The following USP47 variants were observed in gnomAD, a reference collection of about 807,000 sequenced individuals.
USP47 encodes ubiquitin specific peptidase 47.
USP47 carries 35 observed loss-of-function variants against 165.1 expected under a neutral mutation model. The observed-to-expected ratio is 0.21, with a 90% CI of 0.16 to 0.28. USP47 has a LOEUF of 0.28. USP47 is among the 10% of genes least tolerant of loss of function. USP47 has a pLI of 1.00. For missense variants in USP47, 1,277 were observed against 1,607.4 expected (o/e 0.79, Z 3.52); for synonymous variants, 531 against 544.5 (o/e 0.98, Z 0.35).
intron 1 of USP47, among the ~76,000 whole-genome samples, chr11:11,873,179 A>T (rs1010320845): frequency 6.6e-6 from 1 of 152,158 alleles, no homozygotes; most frequent in African/African-American, 2.4e-5. Flanking sequence ...TCAAGAGAAT[A>T]TGTTGATTTC....
In USP47 at chr11:11,930,129, T is replaced by C. The variant is rs2134679577; in HGVS notation, c.1595+9T>C. The C allele has an allele frequency of 6.2e-7, 1 of 1,605,468 alleles. No individual in the cohort carries two copies. The highest frequency in any genetic ancestry group is 1.1e-5 in the South Asian group (1 of 90,796). ...TCTAGTGCTTTCGCAAGGTAAGCAA[T>C]TTCCTAATTTTCAGTGTTTAAAAGT... On this transcript the variant is annotated intron_variant, in intron 13 of 27. Coordinates refer to ENST00000527733, the MANE Select transcript of USP47 (RefSeq NM_001282659.2).
At chr11:11,939,806 C>G (rs1269827327) in intron 18 of USP47, among the ~76,000 whole-genome samples, 1 of 151,846 alleles carries the variant, frequency 6.6e-6, no homozygotes. Context: ...TTTAACCAGC[C>G]TGCTTAAGAA....
chr11:11,911,434 A>C (rs530690887), intron 8 of USP47, among the ~76,000 whole-genome samples: 1 of 152,274 alleles, frequency 6.6e-6, no homozygotes, highest in Non-Finnish European at 1.5e-5. Flanking sequence ...CAAACACAAT[A>C]AGCCAAAATA....
chr11:11,868,140 T>C (rs1055683350), intron 1 of USP47, among the ~76,000 whole-genome samples: 1 of 152,056 alleles, frequency 6.6e-6, no homozygotes, highest in Non-Finnish European at 1.5e-5. Context: ...TCTCATGTAC[T>C]CTTCACCCAG....
chr11:11,950,586 A>G (rs1856154209), intron 24 of USP47, 104 bp downstream of exon 24: 4 of 787,170 alleles, frequency 5.1e-6, no homozygotes, highest in Non-Finnish European at 8.2e-6. Flanking sequence ...AATCTAATAT[A>G]CATTATAGTG....
At position 11,952,664 on chromosome 11, in the gene USP47, G is replaced by A. The variant is rs1162587147; in HGVS notation, c.3584-77G>A. ...CACTTGAAGTAAATCTTTTTGTTTA[G>A]TAAGGCACTAAGGGAAAAGTCAAAT... On this transcript the variant is annotated intron_variant, in intron 24 of 27. Coordinates refer to ENST00000527733, the MANE Select transcript of USP47 (RefSeq NM_001282659.2). 4.4e-6 allele frequency: 6 copies of A among 1,359,574 alleles called. No homozygotes were observed. In the Admixed American group the frequency reaches 1.1e-4, roughly 24 times the overall value. 84.2% of individuals were successfully genotyped at this position (1,359,574 alleles called of 1,614,324 possible). A position where few individuals can be genotyped will look rare whatever the true frequency, so the allele number is the denominator to read the frequency against.
At chr11:11,953,413 A>T (rs2134894513) in intron 25 of USP47, among the ~76,000 whole-genome samples, 1 of 152,270 alleles carries the variant, frequency 6.6e-6, no homozygotes, top group South Asian at 2.1e-4. Flanking sequence ...ATATAAAAAA[A>T]GTAAATGTAC....
At chr11:11,884,168 T>G (rs1416060195) in intron 2 of USP47, among the ~76,000 whole-genome samples, 1 of 152,200 alleles carries the variant, frequency 6.6e-6, no homozygotes, top group Non-Finnish European at 1.5e-5. Context: ...GAGAAATGTT[T>G]ATAGATTCTT....
At chr11:11,941,643 A>G (rs184968142) in intron 19 of USP47, among the ~76,000 whole-genome samples, 81 of 152,174 alleles carry the variant, frequency 5.3e-4, no homozygotes, top group Admixed American at 4.9e-3. Context: ...ATTATTTGAT[A>G]AACTTCCTCA....
intron 1 of USP47, among the ~76,000 whole-genome samples, chr11:11,844,065 T>C (rs1018014118): frequency 1.3e-5 from 2 of 152,218 alleles, no homozygotes; most frequent in African/African-American, 4.8e-5. Flanking sequence ...GCCACACTCA[T>C]TCTTTATTAA....
intron 10 of USP47, among the ~76,000 whole-genome samples, chr11:11,921,927 G>C (rs986196539): frequency 6.6e-6 from 1 of 151,842 alleles, no homozygotes; most frequent in African/African-American, 2.4e-5. Context: ...TATATTAGAT[G>C]TAGTACCTAC....
chr11:11,882,948 A>G (rs899960506), intron 2 of USP47, among the ~76,000 whole-genome samples: 1 of 152,046 alleles, frequency 6.6e-6, no homozygotes, highest in African/African-American at 2.4e-5. Flanking sequence ...ACTGTACTCG[A>G]GCTCTATTTC....
intron 1 of USP47, among the ~76,000 whole-genome samples, chr11:11,879,699 T>C (rs1006221069): frequency 6.6e-6 from 1 of 152,108 alleles, no homozygotes; most frequent in African/African-American, 2.4e-5. Context: ...GTAGCCTGTA[T>C]CCCTTAGTTA....
At chr11:11,876,614 A>G (rs1309101790) in intron 1 of USP47, among the ~76,000 whole-genome samples, 3 of 152,186 alleles carry the variant, frequency 2.0e-5, no homozygotes, top group African/African-American at 7.2e-5. Context: ...AGTTGGTGGC[A>G]GTCATTGAAT....
intron 1 of USP47, among the ~76,000 whole-genome samples, chr11:11,853,190 A>G (rs1301176394): frequency 6.6e-6 from 1 of 152,188 alleles, no homozygotes; most frequent in East Asian, 1.9e-4. Context: ...AGATTGTATC[A>G]AAAACAGGGG....
intron 18 of USP47, among the ~76,000 whole-genome samples, chr11:11,939,175 C>T (rs1393013651): frequency 6.6e-6 from 1 of 151,954 alleles, no homozygotes; most frequent in East Asian, 1.9e-4. Flanking sequence ...AAATGATTAT[C>T]ATCCTTACAA....
At position 11,920,457 on chromosome 11, in the gene USP47, A is replaced by G. The variant is rs1369503457; in HGVS notation, c.1181A>G (p.Glu394Gly). 6.2e-7 allele frequency: 1 copy of G among 1,610,664 alleles called. No homozygotes were observed. Among genetic ancestry groups the G allele is most frequent in the Admixed American group, 1.7e-5 (1 of 59,662 alleles). Residue 394 changes from glutamate to glycine, a missense_variant, in exon 10 of 28, where the codon GAA (glutamate) becomes GGA (glycine). This residue lies in a region of USP47 where 175 missense variants were observed against 295.8 expected (regional missense o/e 0.59). Transcript: ENST00000527733. ...KLNDRMTFPE[E>G]LDMSTFIDVE... ...AATGATCGAATGACATTTCCCGAGG[A>G]ACTAGATATGAGTACTTTTATTGAT...
At chr11:11,918,395 A>G (rs764037608) in intron 8 of USP47, among the ~76,000 whole-genome samples, 2 of 152,094 alleles carry the variant, frequency 1.3e-5, no homozygotes, top group African/African-American at 2.4e-5. Flanking sequence ...AGAGAAATAC[A>G]TTGTTAAGGT....
At chr11:11,873,922 AT>A in intron 1 of USP47, 1 of 984,082 alleles carries the variant, frequency 1.0e-6, no homozygotes, top group Non-Finnish European at 1.4e-6. Context: ...GCATGTTAGT[AT>A]TTTTATTTAA....
Sources: gnomAD v4.1 joint callset for allele counts (sites outside exome capture counted in the v4.1 genomes callset) on GRCh38, gnomAD v4.1.1 for gene constraint, gnomAD v4.1.1 regional missense constraint, MANE v1.5 for transcripts, NCBI Gene and HGNC (gene_info 2026-07-23, HGNC 2026-07-21) for gene names.